The following TENM2 variants were observed in gnomAD, a reference collection of about 807,000 sequenced individuals.
TENM2 encodes teneurin transmembrane protein 2, also known as teneurin-2.
TENM2 carries 52 observed loss-of-function variants against 245.2 expected under a neutral mutation model. The ratio of observed to expected loss-of-function variants is 0.21; its 90% CI spans 0.17 to 0.27. The LOEUF (loss-of-function observed/expected upper bound fraction) is 0.27. TENM2 is among the 10% of genes least tolerant of loss of function. TENM2 has a pLI of 1.00. For synonymous variants in TENM2, 1,363 were observed against 1,438.9 expected (o/e 0.95, Z 1.19); for missense variants, 3,046 against 3,666.8 (o/e 0.83, Z 4.37).
the TENM2 span, among the ~76,000 whole-genome samples, chr5:167,097,159 G>T: frequency 6.6e-6 from 1 of 151,876 alleles, no homozygotes; most frequent in Non-Finnish European, 1.5e-5. Flanking sequence ...GTTTGCCGGC[G>T]CTAGTCTTGT....
intron 2 of TENM2, among the ~76,000 whole-genome samples, chr5:167,398,137 C>A (rs1284910515): frequency 6.6e-6 from 1 of 152,108 alleles, no homozygotes; most frequent in African/African-American, 2.4e-5. Context: ...CTAAATCTCT[C>A]TGGGTGTCAA....
intron 1 of TENM2, among the ~76,000 whole-genome samples, chr5:167,348,517 A>G (rs1393168357): frequency 6.6e-6 from 1 of 152,174 alleles, no homozygotes; most frequent in Non-Finnish European, 1.5e-5. Context: ...TGTGACTGAC[A>G]GCTGTTTCTT....
At chr5:167,675,081 C>A (rs1269513001) in intron 2 of TENM2, among the ~76,000 whole-genome samples, 1 of 152,058 alleles carries the variant, frequency 6.6e-6, no homozygotes, top group East Asian at 1.9e-4. Flanking sequence ...AAACACATCA[C>A]CCCAGGAATA....
the TENM2 span, among the ~76,000 whole-genome samples, chr5:167,131,907 C>T: frequency 6.6e-6 from 1 of 152,178 alleles, no homozygotes; most frequent in Non-Finnish European, 1.5e-5. Context: ...ACTGCAACCT[C>T]CACCTCCCAG....
At chr5:168,077,957 T>A (rs918630521) in intron 7 of TENM2, among the ~76,000 whole-genome samples, 3 of 152,258 alleles carry the variant, frequency 2.0e-5, no homozygotes, top group Non-Finnish European at 4.4e-5. Flanking sequence ...ACAGGATGGC[T>A]GGCACAAATG....
intron 2 of TENM2, among the ~76,000 whole-genome samples, chr5:167,696,816 G>T (rs1455337690): frequency 6.6e-6 from 1 of 152,068 alleles, no homozygotes; most frequent in Non-Finnish European, 1.5e-5. Flanking sequence ...GCACCTCCCT[G>T]GAACCATTCC....
the TENM2 span, among the ~76,000 whole-genome samples, chr5:167,261,507 C>T: frequency 1.3e-5 from 2 of 152,050 alleles, no homozygotes; most frequent in African/African-American, 4.8e-5. Context: ...TTAACATCAT[C>T]ATCATCATCT....
intron 2 of TENM2, among the ~76,000 whole-genome samples, chr5:167,700,212 T>G (rs1447763868): frequency 6.6e-6 from 1 of 152,122 alleles, no homozygotes; most frequent in Non-Finnish European, 1.5e-5. Context: ...AGATGGAACA[T>G]GAAATAAAGT....
At chr5:167,934,922 T>A in intron 3 of TENM2, 2 of 985,432 alleles carry the variant, frequency 2.0e-6, no homozygotes, top group Non-Finnish European at 2.4e-6. Context: ...GTCGTCCAGG[T>A]AGGCAGAAGG....
chr5:167,209,706 C>T, the TENM2 span, among the ~76,000 whole-genome samples: 1 of 152,060 alleles, frequency 6.6e-6, no homozygotes, highest in East Asian at 1.9e-4. Flanking sequence ...CACATCATTC[C>T]CCCAATTCTG....
At chr5:168,157,591 G>A (rs1757297058) in intron 12 of TENM2, among the ~76,000 whole-genome samples, 1 of 152,168 alleles carries the variant, frequency 6.6e-6, no homozygotes, top group Non-Finnish European at 1.5e-5. Flanking sequence ...AGGAAAATTA[G>A]GCAGAACTTG....
the TENM2 span, among the ~76,000 whole-genome samples, chr5:167,036,408 T>A: frequency 6.6e-6 from 1 of 152,240 alleles, no homozygotes; most frequent in African/African-American, 2.4e-5. Context: ...TTTAAATAAT[T>A]GTTTCACATT....
chr5:168,000,075 C>A (rs1054973908), intron 5 of TENM2, among the ~76,000 whole-genome samples: 20 of 152,224 alleles, frequency 1.3e-4, no homozygotes, highest in Admixed American at 8.5e-4. Context: ...AGTCATCCAT[C>A]CAGAAGCAGT....
intron 13 of TENM2, among the ~76,000 whole-genome samples, chr5:168,182,848 TGA>T (rs150438459): frequency 0.056 from 6,760 of 120,976 alleles, 567 homozygotes; most frequent in African/African-American, 0.22. Context: ...TTTTTTTTTT[TGA>T]GACAGAGTCT....
chr5:167,651,798 T>C (rs1754486885), intron 2 of TENM2, among the ~76,000 whole-genome samples: 2 of 152,172 alleles, frequency 1.3e-5, no homozygotes, highest in Admixed American at 1.3e-4. Context: ...GTTCTTTCTG[T>C]TCTGAACACA....
chr5:167,500,174 G>T (rs1769115506), intron 2 of TENM2, among the ~76,000 whole-genome samples: 1 of 152,008 alleles, frequency 6.6e-6, no homozygotes, highest in Admixed American at 6.6e-5. Flanking sequence ...GTGACTGTGA[G>T]TGTGAAATAG....
At chr5:167,142,552 C>T in the TENM2 span, among the ~76,000 whole-genome samples, 2 of 151,944 alleles carry the variant, frequency 1.3e-5, no homozygotes, top group African/African-American at 4.8e-5. Flanking sequence ...TATATGCAAT[C>T]TCAATATATA....
chr5:167,134,382 A>G, the TENM2 span, among the ~76,000 whole-genome samples: 3 of 152,228 alleles, frequency 2.0e-5, no homozygotes, highest in East Asian at 1.9e-4. Flanking sequence ...GTAAAATTCA[A>G]TAGAACATTG....
chr5:167,555,279 C>A (rs574910467), intron 2 of TENM2, among the ~76,000 whole-genome samples: 2 of 152,148 alleles, frequency 1.3e-5, no homozygotes, highest in Non-Finnish European at 2.9e-5. Context: ...ATAGTTTTGA[C>A]GAATGAATTT....
Sources: allele counts gnomAD v4.1 joint callset (sites outside exome capture counted in the v4.1 genomes callset), GRCh38; gene constraint gnomAD v4.1.1; transcripts MANE v1.5; gene names NCBI Gene and HGNC (gene_info 2026-07-23, HGNC 2026-07-21).